Variants in TECTA observed in about 807,000 individuals in gnomAD.
The protein encoded by TECTA is tectorin alpha.
Under a neutral mutation model 216.8 loss-of-function variants are expected in TECTA, and 128 were observed. That is an observed-to-expected ratio of 0.59 (90% CI 0.51 to 0.68). The LOEUF (loss-of-function observed/expected upper bound fraction) is 0.68. Ranked by LOEUF, TECTA falls within the 30% of genes least tolerant of loss-of-function variation. TECTA has a pLI of 0.00. For missense variants in TECTA, 2,551 were observed against 2,786.2 expected, an observed-to-expected ratio of 0.92 and a Z score of 1.90; for synonymous variants, 1,089 against 1,117.1, an observed-to-expected ratio of 0.97 and a Z score of 0.50.
In TECTA at chr11:121,153,092, C is replaced by A; in HGVS notation, c.4305+12C>A. On this transcript the variant is annotated intron_variant, in intron 13 of 23. Coordinates refer to ENST00000392793, the MANE Select transcript of TECTA (RefSeq NM_005422.4). ...GCAAATATTACGAGGTATGGGAGGCCAGCCCGGCCTTTTCCTCCTTGCCAA... is the reference window on the plus strand; with the variant it reads ...GCAAATATTACGAGGTATGGGAGGCAAGCCCGGCCTTTTCCTCCTTGCCAA... 1 of 1,610,236 alleles carries A rather than the reference C, an allele frequency of 6.2e-7. No individual in the cohort carries two copies. The highest frequency in any genetic ancestry group is 8.5e-7 in the Non-Finnish European group (1 of 1,178,502).
chr11:121,162,043 A>C (rs367920323), intron 15 of TECTA, 32 bp from the exon 16 acceptor site: 51 of 1,612,810 alleles, frequency 3.2e-5, no homozygotes, highest in Non-Finnish European at 4.2e-5. Flanking sequence ...GAGATCTCAG[A>C]TGGCTGTTTT....
Position 121,127,730 on chromosome 11 carries a change from T to C in TECTA, c.1775-22T>C. 1 of 1,613,698 alleles carries C rather than the reference T, an allele frequency of 6.2e-7. No homozygotes were observed. On this transcript the variant is annotated intron_variant, in intron 8 of 23. Transcript: ENST00000392793. This position sits in a 1 kb window ranked among gnomAD's most constrained non-coding sequence, Gnocchi z 5.0. Reference sequence around the variant, plus strand: ...CGGGTCCATTCACCTTGTTATCGGCTCTCTTCCTTTCCCCGCGTCAGTGTC... The same window carrying C: ...CGGGTCCATTCACCTTGTTATCGGCCCTCTTCCTTTCCCCGCGTCAGTGTC...
intron 12 of TECTA, among the ~76,000 whole-genome samples, chr11:121,149,294 C>T (rs1051982794): frequency 7.9e-5 from 12 of 152,212 alleles, no homozygotes; most frequent in African/African-American, 2.9e-4. Flanking sequence ...TTGTCATCGT[C>T]ATTTTCCCTT....
intron 10 of TECTA, among the ~76,000 whole-genome samples, chr11:121,130,691 G>A (rs1293496559): frequency 6.6e-6 from 1 of 152,204 alleles, no homozygotes; most frequent in African/African-American, 2.4e-5. Flanking sequence ...TGTCCCGAAA[G>A]TATCTGACCC....
intron 10 of TECTA, among the ~76,000 whole-genome samples, chr11:121,136,327 T>G (rs1343928182): frequency 1.3e-5 from 2 of 151,690 alleles, no homozygotes; most frequent in African/African-American, 2.4e-5. Context: ...ACTTGAAGGA[T>G]GGGTGGGACT....
At chr11:121,190,416 C>T (rs1255912385) in intron 23 of TECTA, among the ~76,000 whole-genome samples, 1 of 152,186 alleles carries the variant, frequency 6.6e-6, no homozygotes, top group African/African-American at 2.4e-5. Context: ...AGGCACACGC[C>T]ACCACGCCCA....
chr11:121,124,894 G>A (rs1007773790), intron 7 of TECTA, among the ~76,000 whole-genome samples: 1 of 152,214 alleles, frequency 6.6e-6, no homozygotes, highest in African/African-American at 2.4e-5. Flanking sequence ...GCAGGAAGGG[G>A]GTCCTGGAAA....
intron 9 of TECTA, among the ~76,000 whole-genome samples, chr11:121,128,599 C>T (rs111958715): frequency 3.9e-5 from 6 of 152,348 alleles, no homozygotes; most frequent in African/African-American, 1.4e-4. Context: ...TTACAGAACA[C>T]TTACTATGTG....
Position 121,113,321 on chromosome 11 carries a change from G to A in TECTA, c.624+112G>A. 1 of 1,580,604 alleles carries A rather than the reference G, an allele frequency of 6.3e-7. No homozygotes were observed. The highest frequency in any genetic ancestry group is 1.7e-5 in the Admixed American group (1 of 59,650). On this transcript the variant is annotated intron_variant, in intron 5 of 23. Coordinates refer to ENST00000392793, the MANE Select transcript of TECTA (RefSeq NM_005422.4). The surrounding 1 kb of genome is among the most constrained non-coding windows in gnomAD (Gnocchi z 4.2). ...CACCAGCTTTTAACTAGAGACGCAG[G>A]TCTGATCTCGCAGGTGGACTACGAG...
At chr11:121,123,560 TA>T (rs1946579834) in intron 7 of TECTA, among the ~76,000 whole-genome samples, 2 of 152,212 alleles carry the variant, frequency 1.3e-5, no homozygotes, top group African/African-American at 4.8e-5. Flanking sequence ...AGGAGCTTTC[TA>T]AAACACAAAT....
intron 12 of TECTA, among the ~76,000 whole-genome samples, chr11:121,150,643 ATTTTTTTT>A (rs202043512): frequency 7.8e-6 from 1 of 127,952 alleles, no homozygotes; most frequent in Non-Finnish European, 1.6e-5. Context: ...GCCTATTTTA[ATTTTTTTT>A]TTTTTTTTTT....
At chr11:121,106,380 G>C (rs548022931) in intron 3 of TECTA, among the ~76,000 whole-genome samples, 4 of 152,212 alleles carry the variant, frequency 2.6e-5, no homozygotes, top group Non-Finnish European at 5.9e-5. Flanking sequence ...ATTTGAAGCA[G>C]AGTCGGAACA....
At chr11:121,175,748 GT>G (rs1469094352) in intron 20 of TECTA, among the ~76,000 whole-genome samples, 20 of 152,294 alleles carry the variant, frequency 1.3e-4, no homozygotes, top group Middle Eastern at 6.8e-3. Flanking sequence ...AGGTATCCTT[GT>G]TAACTTTCTG....
intron 12 of TECTA, among the ~76,000 whole-genome samples, chr11:121,147,092 G>C (rs922781973): frequency 6.6e-6 from 1 of 152,080 alleles, no homozygotes; most frequent in Non-Finnish European, 1.5e-5. Context: ...GGGTGGGGGG[G>C]AAACACTGTT....
At chr11:121,159,807 ACCT>A (rs1337826606) in intron 14 of TECTA, among the ~76,000 whole-genome samples, 2 of 151,944 alleles carry the variant, frequency 1.3e-5, no homozygotes, top group African/African-American at 2.4e-5. Context: ...CTTATCTCTC[ACCT>A]CCTCTCCCCT....
At chr11:121,161,998 G>T in intron 15 of TECTA, 77 bp from the exon 16 acceptor site, 1 of 1,597,704 alleles carries the variant, frequency 6.3e-7, no homozygotes. Context: ...TTCAGGGGTA[G>T]CAAAACAGGT....
Position 121,157,950 on chromosome 11 carries a change from T to G in TECTA, c.4415T>G (p.Leu1472Arg). The change falls in exon 14 of 24, where the codon CTG becomes CGG. Residue 1472 changes from leucine (L) to arginine (R), a missense_variant. Transcript: ENST00000392793. ...TGCAAGTCAGACGAGGAGTGTGCGC[T>G]GCGCAACGGGGTGCGCGGCTGCTTC... is the stretch of plus-strand genomic sequence containing the variant. ...RQCKSDEECA[L>R]RNGVRGCFST... 6.2e-7 allele frequency: 1 copy of G among 1,613,988 alleles called. No individual in the cohort carries two copies.
At chr11:121,129,616 T>A in intron 9 of TECTA, 22 bp from the exon 10 acceptor site, 2 of 1,612,928 alleles carry the variant, frequency 1.2e-6, no homozygotes, top group Non-Finnish European at 1.7e-6. Flanking sequence ...CTGGAATTGA[T>A]AAGAATGACT....
chr11:121,115,211 A>G (rs1476216794), intron 6 of TECTA, among the ~76,000 whole-genome samples: 1 of 151,128 alleles, frequency 6.6e-6, no homozygotes, highest in African/African-American at 2.4e-5. Context: ...CCATCCATTT[A>G]TCCATCCACC....
Sources: allele counts gnomAD v4.1 joint callset (sites outside exome capture counted in the v4.1 genomes callset), GRCh38; gene constraint gnomAD v4.1.1; non-coding constraint Gnocchi (gnomAD v3.1); transcripts MANE v1.5; gene names NCBI Gene and HGNC (gene_info 2026-07-23, HGNC 2026-07-21).